Variants in LRP1B observed in about 807,000 individuals in gnomAD.
LRP1B encodes the protein LDL receptor related protein 1B.
A neutral mutation model predicts 556.6 loss-of-function variants in LRP1B; 217 were observed. The ratio of observed to expected loss-of-function variants is 0.39; its 90% CI spans 0.35 to 0.44. The LOEUF is 0.44. LRP1B is among the 20% of genes least tolerant of loss of function. The pLI, the probability that LRP1B is intolerant of heterozygous loss-of-function variation, is 1.00. For missense variants in LRP1B, 5,053 were observed against 5,620.8 expected (o/e 0.90, Z 3.23); for synonymous variants, 2,047 against 1,865.8 (o/e 1.10, Z -2.50).
At chr2:141,231,482 G>A (rs562621269) in intron 5 of LRP1B, among the ~76,000 whole-genome samples, 4 of 152,288 alleles carry the variant, frequency 2.6e-5, no homozygotes, top group South Asian at 4.1e-4. Context: ...AAAAGACACA[G>A]GGTTTTATTT....
chr2:141,644,007 AGAGTGTGTGT>A (rs763563982), intron 2 of LRP1B, among the ~76,000 whole-genome samples: 54,383 of 142,098 alleles, frequency 0.38, 10,357 homozygotes, highest in Middle Eastern at 0.48. Flanking sequence ...GAGAATGTGG[AGAGTGTGTGT>A]GTGTGTGTGT....
At chr2:141,247,902 G>T (rs1006163677) in intron 4 of LRP1B, among the ~76,000 whole-genome samples, 2 of 152,032 alleles carry the variant, frequency 1.3e-5, no homozygotes, top group African/African-American at 4.8e-5. Context: ...AAATTAGATT[G>T]CTAATTAGAA....
chr2:140,943,161 A>G (rs1244360550), intron 20 of LRP1B, among the ~76,000 whole-genome samples: 6 of 152,140 alleles, frequency 3.9e-5, no homozygotes, highest in Non-Finnish European at 5.9e-5. Context: ...TAGACTTTAA[A>G]CCAGCAACAG....
At chr2:141,476,597 C>T (rs1459488446) in intron 3 of LRP1B, among the ~76,000 whole-genome samples, 2 of 151,918 alleles carry the variant, frequency 1.3e-5, no homozygotes, top group African/African-American at 2.4e-5. Flanking sequence ...AGATGGAGTC[C>T]AATTATGGAG....
At chr2:140,470,446 C>G (rs970538021) in intron 60 of LRP1B, among the ~76,000 whole-genome samples, 4 of 151,838 alleles carry the variant, frequency 2.6e-5, no homozygotes, top group African/African-American at 9.7e-5. Context: ...GAGATCAAGA[C>G]CATCCTGGCT....
chr2:141,128,351 T>C (rs1475434455), intron 7 of LRP1B, among the ~76,000 whole-genome samples: 1 of 152,212 alleles, frequency 6.6e-6, no homozygotes, highest in Non-Finnish European at 1.5e-5. Flanking sequence ...ACACACTGTT[T>C]TAGATCAAGT....
intron 2 of LRP1B, among the ~76,000 whole-genome samples, chr2:141,568,618 G>A (rs1316091524): frequency 1.3e-5 from 2 of 151,130 alleles, no homozygotes; most frequent in Non-Finnish European, 3.0e-5. Context: ...TCCATGATAT[G>A]GAATAGGCTG....
intron 3 of LRP1B, among the ~76,000 whole-genome samples, chr2:141,440,005 T>C (rs2105001142): frequency 6.6e-6 from 1 of 152,336 alleles, no homozygotes; most frequent in East Asian, 1.9e-4. Flanking sequence ...ACGAAACTCA[T>C]GCTAGGCACG....
chr2:141,686,072 T>C (rs1186460938), intron 2 of LRP1B, among the ~76,000 whole-genome samples: 6 of 152,026 alleles, frequency 3.9e-5, no homozygotes, highest in Admixed American at 3.3e-4. Flanking sequence ...GTACTTTCAA[T>C]GTTCATATTA....
At chr2:141,285,311 AC>A (rs1256137669) in intron 3 of LRP1B, among the ~76,000 whole-genome samples, 5 of 148,862 alleles carry the variant, frequency 3.4e-5, no homozygotes, top group African/African-American at 5.0e-5. Context: ...CTGGTCTCGA[AC>A]TCCTGACCTC....
intron 41 of LRP1B, among the ~76,000 whole-genome samples, chr2:140,648,734 A>G (rs1684572044): frequency 6.6e-6 from 1 of 152,204 alleles, no homozygotes; most frequent in African/African-American, 2.4e-5. Context: ...TCAAGTCTCA[A>G]GAACTGCACA....
At chr2:141,696,241 A>G (rs1445404061) in intron 2 of LRP1B, among the ~76,000 whole-genome samples, 1 of 152,008 alleles carries the variant, frequency 6.6e-6, no homozygotes, top group Non-Finnish European at 1.5e-5. Flanking sequence ...CACTGTTGAA[A>G]TAAATCTAAA....
chr2:141,033,600 G>A (rs545174394), intron 11 of LRP1B, among the ~76,000 whole-genome samples: 2 of 152,052 alleles, frequency 1.3e-5, no homozygotes, highest in African/African-American at 4.8e-5. Context: ...GGTACTAGAA[G>A]GTGAGGCCTT....
chr2:141,730,810 T>C (rs1693240632), intron 2 of LRP1B, among the ~76,000 whole-genome samples: 1 of 152,190 alleles, frequency 6.6e-6, no homozygotes, highest in African/African-American at 2.4e-5. Flanking sequence ...CTGAAATCCA[T>C]ACTCCCCACC....
At chr2:141,297,738 G>A (rs1686235464) in intron 3 of LRP1B, among the ~76,000 whole-genome samples, 1 of 152,046 alleles carries the variant, frequency 6.6e-6, no homozygotes. Flanking sequence ...TGTCAATGAA[G>A]GACCCCATAT....
chr2:140,763,394 G>GA (rs1294049028), intron 35 of LRP1B, among the ~76,000 whole-genome samples: 1 of 152,008 alleles, frequency 6.6e-6, no homozygotes, highest in African/African-American at 2.4e-5. Flanking sequence ...CTCAGGCAGG[G>GA]AAAAAGAAAG....
At chr2:140,645,118 G>C (rs1398970198) in intron 41 of LRP1B, among the ~76,000 whole-genome samples, 2 of 151,958 alleles carry the variant, frequency 1.3e-5, no homozygotes, top group Non-Finnish European at 2.9e-5. Context: ...TAATCAGGAA[G>C]CCTTTTTTCG....
chr2:140,800,077 G>A (rs1690454402), intron 32 of LRP1B, among the ~76,000 whole-genome samples: 1 of 152,160 alleles, frequency 6.6e-6, no homozygotes, highest in African/African-American at 2.4e-5. Flanking sequence ...CATAAAAAAG[G>A]ATGAGTTCAT....
At chr2:140,491,495 C>T (rs1688698360) in intron 57 of LRP1B, among the ~76,000 whole-genome samples, 1 of 151,844 alleles carries the variant, frequency 6.6e-6, no homozygotes, top group Non-Finnish European at 1.5e-5. Flanking sequence ...CTTAGAAGGG[C>T]TGTGAAGTCA....
Sources: gnomAD v4.1 joint callset for allele counts (sites outside exome capture counted in the v4.1 genomes callset) on GRCh38, gnomAD v4.1.1 for gene constraint, MANE v1.5 for transcripts, NCBI Gene and HGNC (gene_info 2026-07-23, HGNC 2026-07-21) for gene names.